The following SLC30A7 variants were observed in gnomAD, a reference collection of about 807,000 sequenced individuals.
SLC30A7 encodes zinc transporter 7.
Under a neutral mutation model 46.0 loss-of-function variants are expected in SLC30A7, and 35 were observed. That is an observed-to-expected ratio of 0.76 (90% confidence interval 0.58 to 1.01). The LOEUF (loss-of-function observed/expected upper bound fraction) is 1.01, where lower values mean the gene tolerates loss of function less well. Among genes scored for constraint, SLC30A7 ranks in the 50% least tolerant of loss-of-function variants. The pLI is 0.00. For synonymous variants in SLC30A7, 147 were observed against 157.8 expected (o/e 0.93, Z 0.51); for missense variants, 464 against 451.1 (o/e 1.03, Z -0.26).
chr1:100,949,488 A>T (rs952289137), intron 8 of SLC30A7, among the ~76,000 whole-genome samples: 10 of 152,208 alleles, frequency 6.6e-5, no homozygotes, highest in Non-Finnish European at 1.5e-4. Context: ...TTGAGGAGGC[A>T]GTCTGTCCGT....
chr1:100,912,362 C>T, intron 5 of SLC30A7, 124 bp downstream of exon 5: 1 of 1,094,578 alleles, frequency 9.1e-7, no homozygotes, highest in Non-Finnish European at 1.3e-6. Context: ...GAATATCTTC[C>T]TGAACTATCC....
At chr1:100,927,086 G>T (rs1274050451) in intron 8 of SLC30A7, among the ~76,000 whole-genome samples, 2 of 152,190 alleles carry the variant, frequency 1.3e-5, no homozygotes, top group African/African-American at 4.8e-5. Context: ...AATGAGCAGG[G>T]CAGAGAGTGG....
rs191624065 is a variant in SLC30A7, at chr1:100,912,282, T to G, written c.511+44T>G. The G allele has an allele frequency of 2.1e-5, 34 of 1,595,402 alleles. No homozygotes were observed. In the East Asian group the frequency reaches 7.4e-4, roughly 35 times the overall value. ...TTTGTTTCTTCATTTTCTACTAGGT[T>G]TCTGTCATAATTATTTACTTGAGAG... On this transcript the variant is annotated intron_variant, in intron 5 of 10. Coordinates refer to ENST00000357650, the MANE Select transcript of SLC30A7 (RefSeq NM_133496.5).
intron 9 of SLC30A7, among the ~76,000 whole-genome samples, chr1:100,964,319 A>G (rs1655728659): frequency 6.8e-6 from 1 of 146,416 alleles, no homozygotes. Flanking sequence ...TATATATGTT[A>G]TATACATGTA....
At position 100,977,257 on chromosome 1, in the gene SLC30A7, G is replaced by T. The variant is rs1054360348; in HGVS notation, c.*2400G>T. ...TGTCAAAATATGAATCATTTTATTT[G>T]ACTGTACTATCAGTACACAAATGCA... is the stretch of plus-strand genomic sequence containing the variant. On this transcript the variant is annotated 3_prime_UTR_variant, in exon 11 of 11. Transcript: ENST00000357650. 3.3e-5 allele frequency: 5 copies of T among 152,078 alleles called. No individual in the cohort carries two copies. Among genetic ancestry groups the T allele is most frequent in the Non-Finnish European group, 5.9e-5 (4 of 68,002 alleles). The allele number at this position is 152,078 out of a possible 1,614,324, so 9.4% of individuals were successfully genotyped here.
chr1:100,946,196 G>T (rs964455172), intron 8 of SLC30A7, among the ~76,000 whole-genome samples: 34 of 141,356 alleles, frequency 2.4e-4, no homozygotes, highest in African/African-American at 1.1e-3. Context: ...CTGAGATGAT[G>T]GGAGTTTTCT....
the SLC30A7 span, chr1:100,989,814 C>T: frequency 6.6e-6 from 1 of 152,458 alleles, no homozygotes; most frequent in Non-Finnish European, 1.5e-5. Flanking sequence ...TGTCTATCCA[C>T]AAGCTTTCCA....
intron 2 of SLC30A7, among the ~76,000 whole-genome samples, chr1:100,905,382 G>A (rs1199453419): frequency 1.3e-5 from 2 of 151,780 alleles, no homozygotes; most frequent in Non-Finnish European, 2.9e-5. Flanking sequence ...GACGTGTGGA[G>A]GGTTTTTTCC....
chr1:100,915,590 G>A (rs1339107810), intron 6 of SLC30A7, among the ~76,000 whole-genome samples: 2 of 152,100 alleles, frequency 1.3e-5, no homozygotes, highest in Non-Finnish European at 2.9e-5. Context: ...GATCATTCAT[G>A]TGTCAAAATT....
rs1436015312 is a variant in SLC30A7 at position 100,915,193 on chromosome 1, T to TTTCCTTTC, written c.655+1389_655+1390insCCTTTCTT. Among the ~76,000 whole-genome samples the TTTCCTTTC allele has an allele frequency of 5.5e-5, 5 of 90,858 alleles. No individual in the cohort carries two copies. In the South Asian group the frequency reaches 1.2e-3, roughly 23 times the overall value. 59.6% of individuals were successfully genotyped at this position (90,858 alleles called of 152,430 possible). A position where few individuals can be genotyped will look rare whatever the true frequency, so the allele number is the denominator to read the frequency against. On this transcript the variant is annotated intron_variant, in intron 6 of 10. Transcript: ENST00000357650. ...TTTCTTTTTTCTTTTCTTTTCTTTC[T>TTTCCTTTC]TTTCTTTCTTTCTTTCTTTCTTTCT...
chr1:100,995,116 A>T, the SLC30A7 span: 1 of 1,576,140 alleles, frequency 6.3e-7, no homozygotes, highest in Non-Finnish European at 8.7e-7. Flanking sequence ...TTACTTGATT[A>T]GATTTTCCAA....
chr1:100,920,388 C>T (rs1428258725), intron 7 of SLC30A7, among the ~76,000 whole-genome samples: 2 of 151,796 alleles, frequency 1.3e-5, no homozygotes, highest in Admixed American at 6.6e-5. Context: ...ATTTGAAATA[C>T]GTGATAGGAA....
intron 3 of SLC30A7, among the ~76,000 whole-genome samples, chr1:100,910,672 A>G (rs1570513867): frequency 6.6e-6 from 1 of 152,056 alleles, no homozygotes; most frequent in East Asian, 1.9e-4. Flanking sequence ...AAGTTTAAAA[A>G]ACCCCCTTTT....
chr1:100,898,223 A>G (rs1252580170), intron 2 of SLC30A7, among the ~76,000 whole-genome samples: 1 of 152,180 alleles, frequency 6.6e-6, no homozygotes, highest in African/African-American at 2.4e-5. Flanking sequence ...GCTTTCCATT[A>G]CATAAGTCAC....
At chr1:100,972,926 T>C (rs959789290) in intron 10 of SLC30A7, among the ~76,000 whole-genome samples, 3 of 152,104 alleles carry the variant, frequency 2.0e-5, no homozygotes, top group Non-Finnish European at 4.4e-5. Context: ...AGTTTGATTT[T>C]AATTTGTAAC....
At position 100,906,855 on chromosome 1, in the gene SLC30A7, A is replaced by T. The variant is rs1247168731; in HGVS notation, c.186A>T (p.Leu62Phe). ...ELLYGIWSNC[L>F]GLISDSFHMF... is the part of the protein sequence containing the mutation. ...CAATGTGTTTGTTCTTTTCCAGCTT[A>T]GGCTTGATTTCCGACTCTTTTCACA... Residue 62 changes from leucine (L) to phenylalanine (F), a missense_variant, in exon 3 of 11, where the codon TTA becomes TTT. Leu to Phe is a conservative substitution (Grantham distance 22, BLOSUM62 0). Coordinates refer to ENST00000357650, the MANE Select transcript of SLC30A7 (RefSeq NM_133496.5). 8 of 1,608,710 alleles carry T rather than the reference A, an allele frequency of 5.0e-6. No homozygotes were observed. Among genetic ancestry groups the T allele is most frequent in the East Asian group, 2.2e-5 (1 of 44,832 alleles).
chr1:100,918,054 T>C (rs996664527), intron 6 of SLC30A7, 23 bp from the exon 7 acceptor site: 4 of 1,596,666 alleles, frequency 2.5e-6, no homozygotes, highest in Admixed American at 1.7e-5. Flanking sequence ...AAACATGTTT[T>C]AAAATAACTT....
rs1355608941 is a variant in SLC30A7, at chr1:100,896,642, G to A, written c.153G>A (p.Val51=). The change falls in exon 2 of 11, where the codon GTG becomes GTA. Residue 51 remains valine, a synonymous_variant. Transcript: ENST00000357650. The part of the protein sequence containing the change: ...FLCLNLSFAF[V]ELLYGIWSNC... ...GCCTGAACCTCTCTTTCGCTTTTGT[G>A]GAACTACTCTACGGCATCTGGAGCA... 5.0e-6 allele frequency: 8 copies of A among 1,614,018 alleles called. No individual in the cohort carries two copies. The highest frequency in any genetic ancestry group is 5.9e-6 in the Non-Finnish European group (7 of 1,180,022).
In SLC30A7 at chr1:100,980,852, C is replaced by T. The variant is rs1464505333; in HGVS notation, c.*5995C>T. 1.3e-5 allele frequency: 2 copies of T among 151,838 alleles called. No homozygotes were observed. Among genetic ancestry groups the T allele is most frequent in the East Asian group, 3.9e-4 (2 of 5,192 alleles). The allele number at this position is 151,838 out of a possible 1,614,324, so 9.4% of individuals were successfully genotyped here. A position where few individuals can be genotyped will look rare whatever the true frequency, so the allele number is the denominator to read the frequency against. ...AGGAACCAGACAGTCTCCATAGTCT[C>T]CTTTGTTTTTATGGAAAATTGCCAT... On this transcript the variant is annotated 3_prime_UTR_variant, in exon 11 of 11. Transcript: ENST00000357650.
Sources: gnomAD v4.1 joint callset for allele counts (sites outside exome capture counted in the v4.1 genomes callset) on GRCh38, gnomAD v4.1.1 for gene constraint, MANE v1.5 for transcripts, NCBI Gene and HGNC (gene_info 2026-07-23, HGNC 2026-07-21) for gene names.